LRRC28: variants seen among roughly 807,000 people sequenced by gnomAD.
The protein encoded by LRRC28 is leucine-rich repeat-containing protein 28.
A neutral mutation model predicts 45.7 loss-of-function variants in LRRC28; 39 were observed. The ratio of observed to expected loss-of-function variants is 0.85; its 90% CI spans 0.66 to 1.12. The LOEUF (loss-of-function observed/expected upper bound fraction) is 1.12. Ranked by LOEUF, LRRC28 falls within the 50% of genes most tolerant of loss-of-function variation. LRRC28 has a pLI of 0.00. For missense variants in LRRC28, 435 were observed against 438.5 expected (o/e 0.99, Z 0.07); for synonymous variants, 206 against 178.8 (o/e 1.15, Z -1.22).
intron 6 of LRRC28, 24 bp from the exon 7 acceptor site, chr15:99,352,345 A>T: frequency 6.6e-7 from 1 of 1,509,462 alleles, no homozygotes; most frequent in Non-Finnish European, 9.2e-7. Context: ...TATAGGAATT[A>T]CAGCACTTTT....
At chr15:99,311,346 A>G (rs1455993239) in intron 5 of LRRC28, among the ~76,000 whole-genome samples, 1 of 151,324 alleles carries the variant, frequency 6.6e-6, no homozygotes, top group African/African-American at 2.4e-5. Context: ...GTGAATTGTG[A>G]TATGTTGTGT....
intron 5 of LRRC28, among the ~76,000 whole-genome samples, chr15:99,303,339 A>G (rs1955051712): frequency 6.6e-6 from 1 of 152,044 alleles, no homozygotes. Flanking sequence ...TTATTTTCTT[A>G]TTATTGTATT....
chr15:99,325,232 G>T (rs1401554530), intron 5 of LRRC28, among the ~76,000 whole-genome samples: 2 of 152,008 alleles, frequency 1.3e-5, no homozygotes, highest in African/African-American at 2.4e-5. Flanking sequence ...TTTTGGAATT[G>T]TTTTTTCCTG....
At chr15:99,333,780 A>C (rs900477486) in intron 5 of LRRC28, 143 bp from the exon 6 acceptor site, 1 of 844,114 alleles carries the variant, frequency 1.2e-6, no homozygotes, top group African/African-American at 1.7e-5. Flanking sequence ...ATTTTCACCA[A>C]AAATCCTGCA....
chr15:99,334,571 A>T (rs146176831), intron 6 of LRRC28, among the ~76,000 whole-genome samples: 1 of 152,124 alleles, frequency 6.6e-6, no homozygotes, highest in African/African-American at 2.4e-5. Context: ...AGATTATAAA[A>T]CTTTAAAGAC....
At chr15:99,284,380 T>G (rs888932411) in intron 3 of LRRC28, among the ~76,000 whole-genome samples, 1 of 152,214 alleles carries the variant, frequency 6.6e-6, no homozygotes, top group Non-Finnish European at 1.5e-5. Flanking sequence ...TTAAAACCCT[T>G]TGTTGGACTG....
chr15:99,308,511 A>C (rs1039589159), intron 5 of LRRC28, among the ~76,000 whole-genome samples: 2 of 152,086 alleles, frequency 1.3e-5, no homozygotes, highest in African/African-American at 4.8e-5. Flanking sequence ...ACAAAAGATA[A>C]AAATAAAAAA....
intron 7 of LRRC28, among the ~76,000 whole-genome samples, chr15:99,358,914 C>A (rs551250744): frequency 1.8e-4 from 28 of 152,104 alleles, no homozygotes; most frequent in African/African-American, 6.0e-4. Flanking sequence ...CCCGTCTCTA[C>A]TACAAATACA....
chr15:99,363,430 G>A, intron 9 of LRRC28, 165 bp downstream of exon 9: 1 of 689,656 alleles, frequency 1.5e-6, no homozygotes, highest in Non-Finnish European at 2.3e-6. Flanking sequence ...AACATCACAA[G>A]AAAACTGGAC....
intron 6 of LRRC28, among the ~76,000 whole-genome samples, chr15:99,341,647 A>C (rs903250912): frequency 1.3e-5 from 2 of 152,212 alleles, no homozygotes; most frequent in African/African-American, 4.8e-5. Flanking sequence ...ATGTGAAGAA[A>C]GTGAGCCCTG....
At chr15:99,304,316 C>G (rs1038815384) in intron 5 of LRRC28, among the ~76,000 whole-genome samples, 6 of 152,096 alleles carry the variant, frequency 3.9e-5, no homozygotes, top group African/African-American at 1.4e-4. Context: ...ATATGATTTG[C>G]AAATATTTTT....
chr15:99,291,777 T>C (rs1280828304), intron 5 of LRRC28, among the ~76,000 whole-genome samples: 1 of 152,270 alleles, frequency 6.6e-6, no homozygotes, highest in East Asian at 1.9e-4. Flanking sequence ...TATGCCATTT[T>C]ACACTGTTCT....
intron 2 of LRRC28, among the ~76,000 whole-genome samples, chr15:99,269,133 G>T (rs2081407186): frequency 6.6e-6 from 1 of 151,908 alleles, no homozygotes; most frequent in Non-Finnish European, 1.5e-5. Flanking sequence ...TATCAGTCTT[G>T]ATGTTTGTTT....
intron 6 of LRRC28, among the ~76,000 whole-genome samples, chr15:99,348,667 A>G (rs1956772520): frequency 6.6e-6 from 1 of 150,956 alleles, no homozygotes; most frequent in Non-Finnish European, 1.5e-5. Flanking sequence ...TTGTAAAATA[A>G]TTTTAAATCA....
At chr15:99,348,978 T>C (rs1392007482) in intron 6 of LRRC28, among the ~76,000 whole-genome samples, 2 of 152,124 alleles carry the variant, frequency 1.3e-5, no homozygotes, top group Non-Finnish European at 1.5e-5. Flanking sequence ...GTTTTCAGTG[T>C]ACAAATCTTT....
At chr15:99,345,484 C>G (rs1331221719) in intron 6 of LRRC28, among the ~76,000 whole-genome samples, 2 of 152,084 alleles carry the variant, frequency 1.3e-5, no homozygotes, top group East Asian at 3.9e-4. Flanking sequence ...GGAAAAATGT[C>G]TGTTTAGATG....
At chr15:99,333,842 T>TAATGA in intron 5 of LRRC28, 81 bp from the exon 6 acceptor site, 1 of 1,408,798 alleles carries the variant, frequency 7.1e-7, no homozygotes, top group Admixed American at 1.8e-5. Context: ...TTCATTTGGT[T>TAATGA]AAACTGTTAT....
chr15:99,259,437 A>G, intron 2 of LRRC28: 2 of 1,335,128 alleles, frequency 1.5e-6, no homozygotes, highest in Non-Finnish European at 2.2e-6. Context: ...AAGGAGAGTC[A>G]TGAAGCAGTT....
chr15:99,314,084 G>C (rs1235010644), intron 5 of LRRC28, among the ~76,000 whole-genome samples: 1 of 152,164 alleles, frequency 6.6e-6, no homozygotes, highest in Non-Finnish European at 1.5e-5. Flanking sequence ...AAACTTCGCT[G>C]AGTTTGTCAC....
Sources: gnomAD v4.1 joint callset for allele counts (sites outside exome capture counted in the v4.1 genomes callset) on GRCh38, gnomAD v4.1.1 for gene constraint, MANE v1.5 for transcripts, NCBI Gene and HGNC (gene_info 2026-07-23, HGNC 2026-07-21) for gene names.